The following ACAD8 variants were observed in gnomAD, a reference collection of about 807,000 sequenced individuals.
ACAD8 encodes acyl-CoA dehydrogenase family member 8.
A neutral mutation model predicts 53.1 loss-of-function variants in ACAD8; 47 were observed. The observed-to-expected ratio is 0.89, with a 90% CI of 0.70 to 1.13. The LOEUF is 1.13. Ranked by LOEUF, ACAD8 falls within the 50% of genes most tolerant of loss-of-function variation. ACAD8 has a pLI of 0.00. For missense variants in ACAD8, 494 were observed against 535.0 expected (o/e 0.92, Z 0.76); for synonymous variants, 198 against 201.3 (o/e 0.98, Z 0.14).
At chr11:134,262,115 G>A in intron 9 of ACAD8, 2 of 683,104 alleles carry the variant, frequency 2.9e-6, no homozygotes, top group South Asian at 1.5e-5. Flanking sequence ...TGTCACTGTT[G>A]TTTGGTTGTG....
At chr11:134,262,296 G>C (rs1939929532) in intron 9 of ACAD8, 2 of 668,274 alleles carry the variant, frequency 3.0e-6, no homozygotes, top group African/African-American at 3.5e-5. Context: ...GAGAGGGGCA[G>C]AGGGCTTTGA....
rs564140293 is a variant in ACAD8 at position 134,258,110 on chromosome 11, A to G, written c.381-405A>G. On this transcript the variant is annotated intron_variant, in intron 3 of 10. Transcript: ENST00000281182. ...TGTGTTCTGCCTGCCTCGGCCTCCC[A>G]TAGTGCTGGGATTACAGATGTGAGC... The G allele has an allele frequency of 2.3e-4, 71 of 302,722 alleles. 1 individual carries two copies. Among genetic ancestry groups the G allele is most frequent in the South Asian group, 2.1e-3 (70 of 32,880 alleles). 18.8% of individuals were successfully genotyped at this position (302,722 alleles called of 1,614,324 possible). A position where few individuals can be genotyped will look rare whatever the true frequency, so the allele number is the denominator to read the frequency against.
chr11:134,264,126 C>T (rs570045421), intron 10 of ACAD8: 5 of 884,832 alleles, frequency 5.7e-6, no homozygotes, highest in Admixed American at 6.2e-5. Flanking sequence ...GGGTGGATCG[C>T]GTGAGGCCAG....
chr11:134,259,625 T>A lies in ACAD8; in HGVS notation c.585T>A (p.Ala195=), dbSNP rs1481912716. 1.2e-6 allele frequency: 2 copies of A among 1,614,198 alleles called. No individual in the cohort carries two copies. Among genetic ancestry groups the A allele is most frequent in the Non-Finnish European group, 1.7e-6 (2 of 1,180,036 alleles). The change falls in exon 6 of 11, where the codon GCT becomes GCA. Residue 195 remains alanine (A), a synonymous_variant. Coordinates refer to ENST00000281182, the MANE Select transcript of ACAD8 (RefSeq NM_014384.3). ...CCCCACAGGCCTTCATCAGTGGTGC[T>A]GGTGAGTCAGACATCTATGTGGTCA... ...LNGSKAFISG[A]GESDIYVVMC...
rs1432913820 is a variant in ACAD8 at position 134,253,663 on chromosome 11, G to A, written c.63G>A (p.Arg21=). 1.9e-6 allele frequency: 3 copies of A among 1,599,150 alleles called. No individual in the cohort carries two copies. In the East Asian group the frequency reaches 6.8e-5, roughly 36 times the overall value. ...ARLGCLPGGL[R]VLVQTGHRSL... is the part of the protein sequence containing the mutation. ...TCGGCTGCCTGCCCGGCGGTCTCCG[G>A]GTCCTCGTCCAGACCGGCCACCGGA... Residue 21 remains arginine (R), a synonymous_variant, in exon 1 of 11, where the codon CGG becomes CGA. Coordinates refer to ENST00000281182, the MANE Select transcript of ACAD8 (RefSeq NM_014384.3).
In ACAD8 at chr11:134,265,233, T is replaced by A; in HGVS notation, c.*273T>A. 1 of 528,514 alleles carries A rather than the reference T, an allele frequency of 1.9e-6. No homozygotes were observed. Among genetic ancestry groups the A allele is most frequent in the South Asian group, 2.7e-5 (1 of 37,022 alleles). The allele number at this position is 528,514 out of a possible 1,614,324, so 32.7% of individuals were successfully genotyped here. On this transcript the variant is annotated 3_prime_UTR_variant, in exon 11 of 11. Coordinates refer to ENST00000281182, the MANE Select transcript of ACAD8 (RefSeq NM_014384.3). ...TGCCAGAAGGGTGACCAGTGAAGATTCACCGTCAAACCATGAAAGTCCTTT... is the reference window on the plus strand; with the variant it reads ...TGCCAGAAGGGTGACCAGTGAAGATACACCGTCAAACCATGAAAGTCCTTT...
chr11:134,257,997 G>A (rs1022534774), intron 3 of ACAD8: 4 of 190,544 alleles, frequency 2.1e-5, no homozygotes, highest in Admixed American at 1.1e-4. Context: ...TTACAGGCAC[G>A]TGCCACCACA....
intron 5 of ACAD8, chr11:134,259,331 G>T (rs978483459): frequency 6.0e-6 from 4 of 670,178 alleles, no homozygotes; most frequent in African/African-American, 5.3e-5. Context: ...CTGATCTGCA[G>T]TCACTGCAGC....
At chr11:134,258,425 C>A in intron 3 of ACAD8, 90 bp from the exon 4 acceptor site, 2 of 858,312 alleles carry the variant, frequency 2.3e-6, no homozygotes, top group Non-Finnish European at 1.9e-6. Context: ...CACTGCCCTG[C>A]CCTTTGTTCT....
intron 1 of ACAD8, among the ~76,000 whole-genome samples, chr11:134,256,025 C>T (rs1939507238): frequency 7.7e-6 from 1 of 129,848 alleles, no homozygotes; most frequent in Non-Finnish European, 1.7e-5. Flanking sequence ...CCTGTCTCAC[C>T]CTCCCAAAGT....
chr11:134,259,104 C>T lies in ACAD8; in HGVS notation c.567+20C>T, dbSNP rs369071905. On this transcript the variant is annotated intron_variant, in intron 5 of 10. Transcript: ENST00000281182. The stretch of plus-strand genomic sequence containing the variant: ...TCCAAGGTACTAGCGTGCGTCCTCC[C>T]AGAGCACTTTGGAGATTGTTCCCAG... 1.9e-5 allele frequency: 30 copies of T among 1,610,308 alleles called. No homozygotes were observed. In the Admixed American group the frequency reaches 3.7e-4, roughly 20 times the overall value.
chr11:134,258,772 G>C (rs1939701818), intron 4 of ACAD8, 148 bp downstream of exon 4: 1 of 754,440 alleles, frequency 1.3e-6, no homozygotes, highest in Non-Finnish European at 2.3e-6. Flanking sequence ...CCTGTGACCT[G>C]ATGTCACAAG....
chr11:134,262,092 A>T (rs1430849641), intron 9 of ACAD8: 3 of 700,042 alleles, frequency 4.3e-6, no homozygotes, highest in Non-Finnish European at 7.7e-6. Flanking sequence ...GCATGCCATT[A>T]TACACTTCAT....
intron 1 of ACAD8, among the ~76,000 whole-genome samples, chr11:134,255,948 C>T (rs1379698388): frequency 6.6e-6 from 1 of 152,228 alleles, no homozygotes; most frequent in African/African-American, 2.4e-5. Flanking sequence ...CTCTGTCACC[C>T]AGGCTAGAGT....
chr11:134,258,226 C>A, intron 3 of ACAD8: 1 of 460,038 alleles, frequency 2.2e-6, no homozygotes, highest in Non-Finnish European at 4.0e-6. Context: ...TAATAGAAAG[C>A]ACATATAACT....
chr11:134,261,220 G>A lies in ACAD8; in HGVS notation c.841+41G>A, dbSNP rs562769668. 3 of 1,613,952 alleles carry A rather than the reference G, an allele frequency of 1.9e-6. No homozygotes were observed. Among genetic ancestry groups the A allele is most frequent in the Admixed American group, 3.3e-5 (2 of 59,994 alleles). Reference sequence around the variant, plus strand: ...GTGTGGCAGGGAGGTAGCGGTCCGGGACAGGCACTGCTGTTTTCCAGCTTG... The same window carrying A: ...GTGTGGCAGGGAGGTAGCGGTCCGGAACAGGCACTGCTGTTTTCCAGCTTG... On this transcript the variant is annotated intron_variant, in intron 7 of 10. Transcript: ENST00000281182. The surrounding 1 kb of genome is among the most constrained non-coding windows in gnomAD (Gnocchi z 4.2).
chr11:134,260,158 C>A, intron 6 of ACAD8: 2 of 1,149,552 alleles, frequency 1.7e-6, no homozygotes, highest in Non-Finnish European at 2.2e-6. Context: ...AAGTAAAACT[C>A]ATTGGAGATG....
intron 10 of ACAD8, 165 bp downstream of exon 10, chr11:134,262,787 C>A: frequency 6.7e-7 from 1 of 1,495,976 alleles, no homozygotes; most frequent in East Asian, 2.6e-5. Context: ...CTGGCAGGGG[C>A]CTGGAGTCCA....
Position 134,261,399 on chromosome 11 carries a change from C to G in ACAD8, c.939+27C>G. On this transcript the variant is annotated intron_variant, in intron 8 of 10. Coordinates refer to ENST00000281182, the MANE Select transcript of ACAD8 (RefSeq NM_014384.3). The surrounding 1 kb of genome is among the most constrained non-coding windows in gnomAD (Gnocchi z 4.2). Reference sequence around the variant, plus strand: ...TAACCTCTGCCTTGCCTCCACATGGCTTTGCACTATTTGCAGCCCGGGACC... The same window carrying G: ...TAACCTCTGCCTTGCCTCCACATGGGTTTGCACTATTTGCAGCCCGGGACC... The G allele has an allele frequency of 1.9e-6, 3 of 1,611,576 alleles. No homozygotes were observed. Among genetic ancestry groups the G allele is most frequent in the Non-Finnish European group, 2.5e-6 (3 of 1,177,664 alleles).
Sources: allele counts gnomAD v4.1 joint callset (sites outside exome capture counted in the v4.1 genomes callset), GRCh38; gene constraint gnomAD v4.1.1; non-coding constraint Gnocchi (gnomAD v3.1); transcripts MANE v1.5; gene names NCBI Gene and HGNC (gene_info 2026-07-23, HGNC 2026-07-21).